Variants in ADGRG7 observed in about 807,000 individuals in gnomAD.
The protein encoded by ADGRG7 is adhesion G protein-coupled receptor G7.
In ADGRG7, 82 loss-of-function variants were observed where a neutral mutation model predicts 88.6. The ratio of observed to expected loss-of-function variants is 0.93; its 90% confidence interval spans 0.77 to 1.11. The LOEUF (loss-of-function observed/expected upper bound fraction) is 1.11. Ranked by LOEUF, ADGRG7 falls within the 50% of genes most tolerant of loss-of-function variation. The pLI is 0.00. For missense variants in ADGRG7, 945 were observed against 953.4 expected, an observed-to-expected ratio of 0.99 and a Z score of 0.12; for synonymous variants, 381 against 345.2, an observed-to-expected ratio of 1.10 and a Z score of -1.15.
At chr3:100,641,852 T>C (rs548578495) in intron 6 of ADGRG7, among the ~76,000 whole-genome samples, 1 of 152,118 alleles carries the variant, frequency 6.6e-6, no homozygotes, top group Non-Finnish European at 1.5e-5. Context: ...CTCTCTGGCT[T>C]CCTCTAAATT....
At chr3:100,677,364 T>A (rs747613048) in intron 15 of ADGRG7, among the ~76,000 whole-genome samples, 22 of 152,124 alleles carry the variant, frequency 1.4e-4, no homozygotes, top group Non-Finnish European at 1.5e-5. Context: ...ATAAAAACTC[T>A]ATAACTTTTT....
chr3:100,639,489 T>C (rs1231150147), intron 6 of ADGRG7, among the ~76,000 whole-genome samples: 1 of 152,240 alleles, frequency 6.6e-6, no homozygotes, highest in Non-Finnish European at 1.5e-5. Context: ...TTTACTGGCA[T>C]ACTTTGTGAC....
At chr3:100,681,784 A>G (rs80232767) in intron 15 of ADGRG7, among the ~76,000 whole-genome samples, 4,998 of 152,270 alleles carry the variant, frequency 0.033, 118 homozygotes, top group Non-Finnish European at 0.052. Flanking sequence ...ATTAAACTTC[A>G]GTAGAATGAA....
chr3:100,637,285 T>C lies in ADGRG7; in HGVS notation c.598-17T>C. 3 of 1,517,260 alleles carry C rather than the reference T, an allele frequency of 2.0e-6. No individual in the cohort carries two copies. In the South Asian group the frequency reaches 3.4e-5, roughly 17 times the overall value. The allele number at this position is 1,517,260 out of a possible 1,614,324, so 94.0% of individuals were successfully genotyped here. On this transcript the variant is annotated splice_polypyrimidine_tract_variant and intron_variant, in intron 5 of 15. Coordinates refer to ENST00000273352, the MANE Select transcript of ADGRG7 (RefSeq NM_032787.3). ...TGATATATGCTTCTCTGATGATCAG[T>C]ATCTTCTCTTTGGCAGGCAAAGAAA...
chr3:100,669,558 AAAAAT>A (rs2094955900), intron 15 of ADGRG7, among the ~76,000 whole-genome samples: 1 of 130,372 alleles, frequency 7.7e-6, no homozygotes, highest in African/African-American at 2.6e-5. Flanking sequence ...AAAAAAAAAA[AAAAAT>A]CTAGTGGGTA....
intron 15 of ADGRG7, among the ~76,000 whole-genome samples, chr3:100,687,131 T>A (rs2094984153): frequency 6.6e-6 from 1 of 152,222 alleles, no homozygotes; most frequent in Non-Finnish European, 1.5e-5. Context: ...TATTTTATTC[T>A]CTTAGAAGCA....
intron 15 of ADGRG7, among the ~76,000 whole-genome samples, chr3:100,692,136 A>G (rs1169695860): frequency 6.6e-6 from 1 of 152,216 alleles, no homozygotes; most frequent in African/African-American, 2.4e-5. Context: ...GCATTTGATC[A>G]GACTATATAA....
chr3:100,630,880 T>C, intron 3 of ADGRG7, 71 bp downstream of exon 3: 1 of 773,876 alleles, frequency 1.3e-6, no homozygotes. Flanking sequence ...TCATACCTCC[T>C]ACTAGTGTTA....
At chr3:100,689,123 A>G (rs966236774) in intron 15 of ADGRG7, among the ~76,000 whole-genome samples, 4 of 152,106 alleles carry the variant, frequency 2.6e-5, no homozygotes, top group Admixed American at 6.5e-5. Context: ...TCCCTTTACC[A>G]TTATGTAATG....
intron 11 of ADGRG7, 197 bp from the exon 12 acceptor site, chr3:100,654,638 T>C (rs2094935056): frequency 2.0e-6 from 1 of 502,060 alleles, no homozygotes; most frequent in East Asian, 3.3e-5. Flanking sequence ...AACTCATGAC[T>C]TTGTGGAAAT....
intron 3 of ADGRG7, among the ~76,000 whole-genome samples, chr3:100,631,039 CT>C (rs964594759): frequency 1.3e-5 from 2 of 152,048 alleles, no homozygotes; most frequent in Non-Finnish European, 2.9e-5. Flanking sequence ...TTCTCTGAAT[CT>C]TTCCTTAATT....
At chr3:100,652,470 C>T (rs1164198492) in intron 11 of ADGRG7, among the ~76,000 whole-genome samples, 1 of 152,066 alleles carries the variant, frequency 6.6e-6, no homozygotes, top group Non-Finnish European at 1.5e-5. Context: ...CTGAAAAATC[C>T]AGAAGGCTTT....
chr3:100,651,073 GT>G (rs1482890856), intron 11 of ADGRG7, among the ~76,000 whole-genome samples: 2 of 152,090 alleles, frequency 1.3e-5, no homozygotes, highest in Non-Finnish European at 2.9e-5. Flanking sequence ...AGCCAGAATT[GT>G]TTTCGATTCC....
intron 13 of ADGRG7, among the ~76,000 whole-genome samples, chr3:100,656,874 A>G (rs938095556): frequency 6.6e-6 from 1 of 152,118 alleles, no homozygotes; most frequent in African/African-American, 2.4e-5. Context: ...CCCAGATACT[A>G]CGTTTGATTA....
chr3:100,694,715 C>T (rs1386457043), intron 15 of ADGRG7, 29 bp from the exon 16 acceptor site: 1 of 1,602,102 alleles, frequency 6.2e-7, no homozygotes, highest in Non-Finnish European at 8.5e-7. Flanking sequence ...CAGCACTTAC[C>T]CAACATTAAA....
At chr3:100,633,222 T>A (rs1707480048) in intron 3 of ADGRG7, 43 bp from the exon 4 acceptor site, 1 of 970,078 alleles carries the variant, frequency 1.0e-6, no homozygotes, top group Admixed American at 3.6e-5. Flanking sequence ...GCAATAATTT[T>A]AATAAATACT....
intron 8 of ADGRG7, among the ~76,000 whole-genome samples, chr3:100,644,090 C>T (rs1368465056): frequency 6.6e-6 from 1 of 152,044 alleles, no homozygotes; most frequent in African/African-American, 2.4e-5. Flanking sequence ...TAGGTTATCT[C>T]CTCTCTGTGG....
rs760591226 is a variant in ADGRG7 at position 100,643,685 on chromosome 3, C to T, written c.946+52C>T. On this transcript the variant is annotated intron_variant, in intron 8 of 15. Coordinates refer to ENST00000273352, the MANE Select transcript of ADGRG7 (RefSeq NM_032787.3). Reference sequence around the variant, plus strand: ...AAAAAATGGACTCGAATTCATGGAACTAATAACTTCTAATTTACTCTAGGA... The same window carrying T: ...AAAAAATGGACTCGAATTCATGGAATTAATAACTTCTAATTTACTCTAGGA... 5.4e-6 allele frequency: 6 copies of T among 1,107,096 alleles called. No homozygotes were observed. The South Asian group carries it at 6.6e-5, about 12-fold the overall frequency. The allele number at this position is 1,107,096 out of a possible 1,614,324, so 68.6% of individuals were successfully genotyped here. A position where few individuals can be genotyped will look rare whatever the true frequency, so the allele number is the denominator to read the frequency against.
chr3:100,648,832 A>G (rs771053950), intron 10 of ADGRG7, among the ~76,000 whole-genome samples: 3 of 152,190 alleles, frequency 2.0e-5, no homozygotes, highest in Non-Finnish European at 2.9e-5. Context: ...AAAATGAACT[A>G]TACATATCCA....
Sources: gnomAD v4.1 joint callset for allele counts (sites outside exome capture counted in the v4.1 genomes callset) on GRCh38, gnomAD v4.1.1 for gene constraint, MANE v1.5 for transcripts, NCBI Gene and HGNC (gene_info 2026-07-23, HGNC 2026-07-21) for gene names.